The following KIF1A variants were observed in gnomAD, a reference collection of about 807,000 sequenced individuals.
KIF1A encodes the protein kinesin family member 1A.
KIF1A carries 46 observed loss-of-function variants against 227.3 expected under a neutral mutation model. The ratio of observed to expected loss-of-function variants is 0.20; its 90% confidence interval spans 0.16 to 0.26. The LOEUF is 0.26. KIF1A is among the 10% of genes least tolerant of loss of function. The probability of loss-of-function intolerance (pLI) is 1.00; values close to 1 mark genes in which losing one functional copy is unlikely to be tolerated. For missense variants in KIF1A, 1,683 were observed against 2,485.9 expected (o/e 0.68, Z 6.87); for synonymous variants, 1,022 against 1,012.8 (o/e 1.01, Z -0.17).
chr2:240,718,660 G>A (rs867616945), intron 47 of KIF1A, among the ~76,000 whole-genome samples: 26 of 152,250 alleles, frequency 1.7e-4, no homozygotes, highest in African/African-American at 6.3e-4. Flanking sequence ...TGAGCCCTGT[G>A]GCTCGCCCAT....
At position 240,778,873 on chromosome 2, in the gene KIF1A, G is replaced by A. The variant is rs1303595558; in HGVS notation, c.883-2947C>T. Reference sequence around the variant, plus strand: ...ACACGTTCCTCACACAACCCTTCACGCCATCCCCAATGCGGGTGCACACAC... The same window carrying A: ...ACACGTTCCTCACACAACCCTTCACACCATCCCCAATGCGGGTGCACACAC... On this transcript the variant is annotated intron_variant, in intron 10 of 48. Transcript: ENST00000498729. This position sits in a 1 kb window ranked among gnomAD's most constrained non-coding sequence, Gnocchi z 7.2. Among the ~76,000 whole-genome samples the A allele has an allele frequency of 2.0e-5, 3 of 151,300 alleles. No individual in the cohort carries two copies. Among genetic ancestry groups the A allele is most frequent in the Admixed American group, 6.6e-5 (1 of 15,218 alleles).
chr2:240,786,442 G>C lies in KIF1A; in HGVS notation c.501C>G (p.Arg167=), dbSNP rs923432327. ...GCCCCAGCAGTGGGTGCTCCCTCAC[G>C]CGAAGGTTGCCCTTGTTCTTGGGGT... The part of the protein sequence containing the change: ...LLNPKNKGNL[R]VREHPLLGPY... Residue 167 remains arginine (R), a synonymous_variant, in exon 6 of 49, where the codon CGC becomes CGG. Coordinates refer to ENST00000498729, the MANE Select transcript of KIF1A (RefSeq NM_001244008.2). The C allele has an allele frequency of 6.2e-7, 1 of 1,613,486 alleles. No individual in the cohort carries two copies. Among genetic ancestry groups the C allele is most frequent in the African/African-American group, 1.3e-5 (1 of 74,938 alleles).
intron 1 of KIF1A, among the ~76,000 whole-genome samples, chr2:240,811,471 A>G (rs6714931): frequency 0.14 from 21,492 of 152,244 alleles, 2,990 homozygotes; most frequent in African/African-American, 0.36. Flanking sequence ...GCCAGAGCCT[A>G]TGGGCGTGGC....
At chr2:240,749,176 T>C (rs1411541371) in intron 28 of KIF1A, among the ~76,000 whole-genome samples, 2 of 151,626 alleles carry the variant, frequency 1.3e-5, no homozygotes, top group Non-Finnish European at 2.9e-5. Context: ...AATTTAACAT[T>C]AGAGTCAAAT....
At chr2:240,773,948 C>G (rs1215183201) in intron 12 of KIF1A, among the ~76,000 whole-genome samples, 1 of 152,208 alleles carries the variant, frequency 6.6e-6, no homozygotes, top group Non-Finnish European at 1.5e-5. Flanking sequence ...GCCACGGGGC[C>G]CTGGGCTGCC....
intron 10 of KIF1A, among the ~76,000 whole-genome samples, chr2:240,779,691 C>T (rs370344663): frequency 1.3e-5 from 2 of 150,864 alleles, no homozygotes; most frequent in African/African-American, 4.9e-5. Context: ...TCCACACTCA[C>T]TTCCTCACTC....
Position 240,780,407 on chromosome 2 carries a change from C to A in KIF1A, c.882+2183G>T, listed in dbSNP as rs1187263403. Among the ~76,000 whole-genome samples, 3 of 152,082 alleles carry A rather than the reference C, an allele frequency of 2.0e-5. 1 individual carries two copies. The East Asian group carries it at 5.8e-4, about 29-fold the overall frequency. ...GAGCGCACACTTTCCCCAAGCGATT[C>A]CCCACACACTTCCCGCCTGCTTCCC... On this transcript the variant is annotated intron_variant, in intron 10 of 48. Coordinates refer to ENST00000498729, the MANE Select transcript of KIF1A (RefSeq NM_001244008.2).
At position 240,725,643 on chromosome 2, in the gene KIF1A, C is replaced by A; in HGVS notation, c.4123-239G>T. 2 of 520,120 alleles carry A rather than the reference C, an allele frequency of 3.8e-6. No homozygotes were observed. Among genetic ancestry groups the A allele is most frequent in the Non-Finnish European group, 3.4e-6 (1 of 294,224 alleles). 32.2% of individuals were successfully genotyped at this position (520,120 alleles called of 1,614,324 possible). On this transcript the variant is annotated intron_variant, in intron 39 of 48. Coordinates refer to ENST00000498729, the MANE Select transcript of KIF1A (RefSeq NM_001244008.2). The surrounding 1 kb of genome is among the most constrained non-coding windows in gnomAD (Gnocchi z 5.8). The stretch of plus-strand genomic sequence containing the variant: ...CCCCTGGGCTGCCTGAGGGACTGGT[C>A]TCCATGTGTGGGGACCCCGAGGGTC...
At chr2:240,727,468 CG>C (rs1559480896) in intron 38 of KIF1A, among the ~76,000 whole-genome samples, 3 of 152,236 alleles carry the variant, frequency 2.0e-5, no homozygotes, top group African/African-American at 7.2e-5. Context: ...GGGACCTGCC[CG>C]GGTTTGCCAA....
At chr2:240,791,374 G>A (rs554304099) in intron 2 of KIF1A, among the ~76,000 whole-genome samples, 10 of 152,086 alleles carry the variant, frequency 6.6e-5, no homozygotes, top group African/African-American at 1.9e-4. Flanking sequence ...AACACCCACC[G>A]TGTCCACCTC....
chr2:240,809,838 TAACA>T (rs2057721838), intron 1 of KIF1A, among the ~76,000 whole-genome samples: 1 of 151,866 alleles, frequency 6.6e-6, no homozygotes, highest in Non-Finnish European at 1.5e-5. Context: ...TATACCTTTG[TAACA>T]AACCTGCACG....
chr2:240,720,931 G>A lies in KIF1A; in HGVS notation c.4851C>T (p.Tyr1617=), dbSNP rs202049905. Residue 1617 remains tyrosine (Y), a synonymous_variant, in exon 45 of 49, where the codon TAC becomes TAT. Transcript: ENST00000498729. ...STCPSLVEGR[Y]GATDLRTPQP... ...TCACTCACCTCAGGTCAGTGGCACC[G>A]TACCGCCCTTCAACCAGAGAGGGGC... is the stretch of plus-strand genomic sequence containing the variant. 353 of 1,581,504 alleles carry A rather than the reference G, an allele frequency of 2.2e-4. No individual in the cohort carries two copies. Among genetic ancestry groups the A allele is most frequent in the South Asian group, 9.4e-4 (82 of 86,802 alleles).
rs1229095150 is a variant in KIF1A, at chr2:240,714,786, A to T, written c.*2578T>A. ...TGAGTTTCTGGGTCCTGGCTTAGGC[A>T]CTCCTCACTAGAGCAGGCCCGGAAG... On this transcript the variant is annotated 3_prime_UTR_variant, in exon 49 of 49. Coordinates refer to ENST00000498729, the MANE Select transcript of KIF1A (RefSeq NM_001244008.2). 1 of 152,058 alleles carries T rather than the reference A, an allele frequency of 6.6e-6. No individual in the cohort carries two copies. The highest frequency in any genetic ancestry group is 1.5e-5 in the Non-Finnish European group (1 of 68,024). 9.4% of individuals were successfully genotyped at this position (152,058 alleles called of 1,614,324 possible).
At chr2:240,751,458 C>T (rs931263852) in intron 27 of KIF1A, among the ~76,000 whole-genome samples, 4 of 152,138 alleles carry the variant, frequency 2.6e-5, no homozygotes, top group Non-Finnish European at 5.9e-5. Context: ...CGCCCAACAC[C>T]TCTCTCAGGT....
intron 1 of KIF1A, among the ~76,000 whole-genome samples, chr2:240,807,328 A>G (rs1270969326): frequency 6.6e-6 from 1 of 152,026 alleles, no homozygotes; most frequent in East Asian, 1.9e-4. Flanking sequence ...TTTTTAGTAG[A>G]TACATGGTTT....
At chr2:240,724,245 T>G in intron 40 of KIF1A, 1 of 604,306 alleles carries the variant, frequency 1.7e-6, no homozygotes, top group African/African-American at 1.8e-5. Context: ...TTGGCTGGTC[T>G]TGCTCAGGTG....
In KIF1A at chr2:240,766,786, C is replaced by CACACA; in HGVS notation, c.1684+128_1684+129insTGTGT. 1 of 623,792 alleles carries CACACA rather than the reference C, an allele frequency of 1.6e-6. No individual in the cohort carries two copies. Among genetic ancestry groups the CACACA allele is most frequent in the Non-Finnish European group, 2.9e-6 (1 of 341,936 alleles). The allele number at this position is 623,792 out of a possible 1,614,324, so 38.6% of individuals were successfully genotyped here. A position where few individuals can be genotyped will look rare whatever the true frequency, so the allele number is the denominator to read the frequency against. ...ACACACACACACACACACACACACA[C>CACACA]GTCCTGCCTAGAAGTATGACTCGCG... On this transcript the variant is annotated intron_variant, in intron 19 of 48. Transcript: ENST00000498729. This position sits in a 1 kb window ranked among gnomAD's most constrained non-coding sequence, Gnocchi z 5.0.
rs10172133 is a variant in KIF1A at position 240,793,920 on chromosome 2, C to T, written c.106+3727G>A. Among the ~76,000 whole-genome samples, 3,752 of 152,244 alleles carry T rather than the reference C, an allele frequency of 0.025. 159 individuals are homozygous for T. Among genetic ancestry groups the T allele is most frequent in the African/African-American group, 0.085 (3,543 of 41,514 alleles). ...CCTCTGAGGGGCCCCGCACAGTCCC[C>T]GCCATCTTCCGAGGGGCCTGGCACA... On this transcript the variant is annotated intron_variant, in intron 2 of 48. Coordinates refer to ENST00000498729, the MANE Select transcript of KIF1A (RefSeq NM_001244008.2). This position sits in a 1 kb window ranked among gnomAD's most constrained non-coding sequence, Gnocchi z 4.8.
intron 1 of KIF1A, among the ~76,000 whole-genome samples, chr2:240,799,450 G>A (rs982925010): frequency 6.6e-6 from 1 of 152,182 alleles, no homozygotes; most frequent in African/African-American, 2.4e-5. Flanking sequence ...TGGCTAAGTG[G>A]GGACAAGTTC....
Sources: gnomAD v4.1 joint callset for allele counts (sites outside exome capture counted in the v4.1 genomes callset) on GRCh38, gnomAD v4.1.1 for gene constraint, Gnocchi (gnomAD v3.1) non-coding constraint, MANE v1.5 for transcripts, NCBI Gene and HGNC (gene_info 2026-07-23, HGNC 2026-07-21) for gene names.